SLC25A16: variants seen among roughly 807,000 people sequenced by gnomAD.
The protein encoded by SLC25A16 is solute carrier family 25 member 16, also known as mitochondrial coenzyme A transporter SLC25A16.
A neutral mutation model predicts 41.5 loss-of-function variants in SLC25A16; 39 were observed. The ratio of observed to expected loss-of-function variants is 0.94; its 90% CI spans 0.73 to 1.23. The LOEUF (loss-of-function observed/expected upper bound fraction) is 1.23. Ranked by LOEUF, SLC25A16 falls within the 50% of genes most tolerant of loss-of-function variation. SLC25A16 has a pLI of 0.00. For synonymous variants in SLC25A16, 146 were observed against 147.8 expected (o/e 0.99, Z 0.09); for missense variants, 421 against 426.9 (o/e 0.99, Z 0.12).
chr10:68,521,076 G>A (rs2053242483), intron 1 of SLC25A16, among the ~76,000 whole-genome samples: 1 of 152,036 alleles, frequency 6.6e-6, no homozygotes, highest in African/African-American at 2.4e-5. Flanking sequence ...AGAGGTTGCA[G>A]TGAGCCGAGA....
chr10:68,520,454 T>C (rs1157874263), intron 1 of SLC25A16, among the ~76,000 whole-genome samples: 1 of 152,028 alleles, frequency 6.6e-6, no homozygotes, highest in Non-Finnish European at 1.5e-5. Flanking sequence ...GGTGGGAGGA[T>C]CACTTGAGGT....
In SLC25A16 at chr10:68,493,129, T is replaced by A. The variant is rs770278742; in HGVS notation, c.610+3A>T. 2.6e-6 allele frequency: 4 copies of A among 1,554,618 alleles called. No homozygotes were observed. In the African/African-American group the frequency reaches 4.2e-5, roughly 16 times the overall value. Reference sequence around the variant, plus strand: ...TTAGGATTCTGGCAAATTTGAAACATACCTGCATATGGAGCCATTCCTAAA... The same window carrying A: ...TTAGGATTCTGGCAAATTTGAAACAAACCTGCATATGGAGCCATTCCTAAA... On this transcript the variant is annotated splice_donor_region_variant and intron_variant, in intron 6 of 8. Transcript: ENST00000609923.
At chr10:68,506,840 C>A in intron 2 of SLC25A16, 122 bp from the exon 3 acceptor site, 1 of 542,586 alleles carries the variant, frequency 1.8e-6, no homozygotes, top group Non-Finnish European at 3.1e-6. Context: ...TGAGGGATTA[C>A]ATGAATAGTA....
intron 8 of SLC25A16, among the ~76,000 whole-genome samples, chr10:68,484,181 T>C (rs2052522845): frequency 1.3e-5 from 2 of 152,212 alleles, no homozygotes; most frequent in Non-Finnish European, 2.9e-5. Flanking sequence ...TACTTATATT[T>C]GAAATACTAA....
rs144122122 is a variant in SLC25A16 at position 68,494,267 on chromosome 10, T to C, written c.422-697A>G. Among the ~76,000 whole-genome samples the C allele has an allele frequency of 8.7e-3, 1,313 of 151,488 alleles. 7 individuals carry two copies. Among genetic ancestry groups the C allele is most frequent in the Non-Finnish European group, 0.014 (919 of 67,814 alleles). On this transcript the variant is annotated intron_variant, in intron 4 of 8. Transcript: ENST00000609923. ...ATTATGAGGTCAAGAGATCGAGCCG[T>C]CCTGGCCAACATGGTGAAACCCCAT...
intron 2 of SLC25A16, among the ~76,000 whole-genome samples, chr10:68,514,451 A>C (rs1050412890): frequency 1.3e-5 from 2 of 152,112 alleles, no homozygotes; most frequent in African/African-American, 4.8e-5. Context: ...AGCAGAGATC[A>C]CACCGCTGCA....
chr10:68,495,481 T>C (rs944442644), intron 4 of SLC25A16, among the ~76,000 whole-genome samples: 6 of 151,488 alleles, frequency 4.0e-5, no homozygotes, highest in African/African-American at 1.5e-4. Context: ...TGGTCAAAAG[T>C]TAAAAGAGTA....
At position 68,516,931 on chromosome 10, in the gene SLC25A16, A is replaced by C. The variant is rs1286800032; in HGVS notation, c.131-88T>G. The C allele has an allele frequency of 5.2e-6, 6 of 1,146,412 alleles. No individual in the cohort carries two copies. The East Asian group carries it at 9.9e-5, about 19-fold the overall frequency. 71.0% of individuals were successfully genotyped at this position (1,146,412 alleles called of 1,614,324 possible). ...TAGTTGTTCAGCCAGCAAACCCTCT[A>C]ATCTCTAATTCAGTCTCCATGAGTA... On this transcript the variant is annotated intron_variant, in intron 1 of 8. Transcript: ENST00000609923.
intron 3 of SLC25A16, among the ~76,000 whole-genome samples, 200 bp from the exon 4 acceptor site, chr10:68,503,895 T>C (rs1486385500): frequency 6.6e-6 from 1 of 152,156 alleles, no homozygotes; most frequent in East Asian, 1.9e-4. Context: ...CTGTAGTCTC[T>C]GCTTTAATTT....
intron 4 of SLC25A16, chr10:68,499,805 G>T: frequency 2.2e-6 from 1 of 449,196 alleles, no homozygotes; most frequent in South Asian, 2.0e-5. Flanking sequence ...AAAGGCTAAT[G>T]GTACAACTAT....
chr10:68,524,090 C>T (rs1201754518), intron 1 of SLC25A16, among the ~76,000 whole-genome samples: 1 of 151,860 alleles, frequency 6.6e-6, no homozygotes, highest in East Asian at 1.9e-4. Context: ...GCGGGCGGAT[C>T]ACGAGGTCAG....
chr10:68,511,142 G>A (rs895180822), intron 2 of SLC25A16, among the ~76,000 whole-genome samples: 11 of 152,020 alleles, frequency 7.2e-5, no homozygotes, highest in Admixed American at 7.2e-4. Flanking sequence ...AGAGGCTGAG[G>A]CAGGAGAATC....
At chr10:68,518,810 T>A (rs1042257102) in intron 1 of SLC25A16, among the ~76,000 whole-genome samples, 14 of 94,518 alleles carry the variant, frequency 1.5e-4, no homozygotes, top group Middle Eastern at 5.9e-3. Context: ...AATAAATAAA[T>A]TAAATAAATA....
chr10:68,512,445 G>A (rs963689315), intron 2 of SLC25A16, among the ~76,000 whole-genome samples: 2 of 135,376 alleles, frequency 1.5e-5, no homozygotes, highest in East Asian at 4.2e-4. Context: ...AGACCATCCC[G>A]GCTAAAACGG....
intron 4 of SLC25A16, chr10:68,503,093 T>C (rs1033463019): frequency 2.6e-5 from 4 of 152,242 alleles, no homozygotes; most frequent in African/African-American, 9.7e-5. Context: ...CAGTTATTAC[T>C]TTAGTCATTA....
intron 3 of SLC25A16, among the ~76,000 whole-genome samples, chr10:68,505,691 G>A (rs1040126438): frequency 2.0e-5 from 3 of 151,458 alleles, no homozygotes; most frequent in Non-Finnish European, 2.9e-5. Flanking sequence ...CCAAGATCAT[G>A]TCATTGCACT....
Position 68,479,095 on chromosome 10 carries a change from G to C in SLC25A16, c.*4337C>G, listed in dbSNP as rs1178582970. ...ATTTGCCACTCATGCTGGCAAATCA[G>C]CAATAAGACATTTCTGCGAAGCAAA... On this transcript the variant is annotated 3_prime_UTR_variant, in exon 9 of 9. Transcript: ENST00000609923. 6.6e-6 allele frequency: 1 copy of C among 152,152 alleles called. No individual in the cohort carries two copies. The highest frequency in any genetic ancestry group is 1.5e-5 in the Non-Finnish European group (1 of 68,032). 9.4% of individuals were successfully genotyped at this position (152,152 alleles called of 1,614,324 possible). A position where few individuals can be genotyped will look rare whatever the true frequency, so the allele number is the denominator to read the frequency against.
chr10:68,508,764 C>T (rs1230911494), intron 2 of SLC25A16, among the ~76,000 whole-genome samples: 1 of 151,812 alleles, frequency 6.6e-6, no homozygotes, highest in African/African-American at 2.4e-5. Flanking sequence ...TGGAAGCGGA[C>T]ACAAAGGTTA....
intron 1 of SLC25A16, among the ~76,000 whole-genome samples, chr10:68,525,720 A>G (rs1353494906): frequency 6.6e-6 from 1 of 151,972 alleles, no homozygotes; most frequent in South Asian, 2.1e-4. Flanking sequence ...CTGTGTAGAA[A>G]GAAGTAGACA....
Sources: gnomAD v4.1 joint callset for allele counts (sites outside exome capture counted in the v4.1 genomes callset) on GRCh38, gnomAD v4.1.1 for gene constraint, MANE v1.5 for transcripts, NCBI Gene and HGNC (gene_info 2026-07-23, HGNC 2026-07-21) for gene names.